The following EPHA6 variants were observed in gnomAD, a reference collection of about 807,000 sequenced individuals.
EPHA6 encodes the protein EPH receptor A6, also known as ephrin type-A receptor 6.
In EPHA6, 50 loss-of-function variants were observed where a neutral mutation model predicts 112.0. The observed-to-expected ratio is 0.45, with a 90% CI of 0.36 to 0.56. The LOEUF (loss-of-function observed/expected upper bound fraction) is 0.56. EPHA6 is among the 20% of genes least tolerant of loss of function. The pLI is 0.00. For missense variants in EPHA6, 1,280 were observed against 1,417.4 expected, an observed-to-expected ratio of 0.90 and a Z score of 1.56; for synonymous variants, 529 against 490.7, an observed-to-expected ratio of 1.08 and a Z score of -1.03.
intron 14 of EPHA6, among the ~76,000 whole-genome samples, chr3:97,672,013 G>A (rs1319911993): frequency 6.6e-6 from 1 of 152,122 alleles, no homozygotes; most frequent in East Asian, 1.9e-4. Context: ...TTCCTGGATT[G>A]CGCAGTCCAT....
chr3:96,932,281 A>T (rs1178076084), intron 2 of EPHA6, among the ~76,000 whole-genome samples: 1 of 152,200 alleles, frequency 6.6e-6, no homozygotes, highest in Non-Finnish European at 1.5e-5. Context: ...TGTGGACTGC[A>T]GCTGCTTTTA....
At chr3:96,998,798 A>G (rs1409805433) in intron 3 of EPHA6, among the ~76,000 whole-genome samples, 2 of 151,818 alleles carry the variant, frequency 1.3e-5, no homozygotes, top group African/African-American at 2.4e-5. Context: ...TTTATTCTGT[A>G]TTTCTAGAAT....
chr3:97,655,462 A>C (rs1034745921), intron 14 of EPHA6, among the ~76,000 whole-genome samples: 1 of 151,832 alleles, frequency 6.6e-6, no homozygotes, highest in African/African-American at 2.4e-5. Flanking sequence ...AGATCTCATC[A>C]TTTTTTATGG....
intron 3 of EPHA6, among the ~76,000 whole-genome samples, chr3:97,078,759 A>AG (rs1279157349): frequency 6.6e-6 from 1 of 151,852 alleles, no homozygotes; most frequent in Non-Finnish European, 1.5e-5. Context: ...TCTATATCTC[A>AG]AACAGATGCA....
chr3:96,950,194 C>T (rs2041465920), intron 2 of EPHA6, among the ~76,000 whole-genome samples: 1 of 152,010 alleles, frequency 6.6e-6, no homozygotes, highest in Non-Finnish European at 1.5e-5. Flanking sequence ...GTTCCAACCA[C>T]AATGCCCGTC....
chr3:97,212,239 G>A (rs1214166535), intron 3 of EPHA6, among the ~76,000 whole-genome samples: 3 of 152,060 alleles, frequency 2.0e-5, no homozygotes, highest in Non-Finnish European at 2.9e-5. Context: ...TAGATTCACT[G>A]AGCACATTTT....
intron 5 of EPHA6, among the ~76,000 whole-genome samples, chr3:97,277,595 C>T (rs933739464): frequency 6.6e-6 from 1 of 152,124 alleles, no homozygotes; most frequent in African/African-American, 2.4e-5. Context: ...ACCTATTGCT[C>T]CTAGGCTACA....
At chr3:97,521,484 G>A (rs2092541806) in intron 10 of EPHA6, among the ~76,000 whole-genome samples, 1 of 152,100 alleles carries the variant, frequency 6.6e-6, no homozygotes, top group African/African-American at 2.4e-5. Flanking sequence ...TCTTCTCAAG[G>A]CAGCAGGACA....
At chr3:96,948,733 G>T (rs1450540543) in intron 2 of EPHA6, among the ~76,000 whole-genome samples, 1 of 152,078 alleles carries the variant, frequency 6.6e-6, no homozygotes, top group African/African-American at 2.4e-5. Flanking sequence ...ATGAAAATCT[G>T]GTCGCAGTTC....
At chr3:97,394,056 A>G (rs2086566642) in intron 5 of EPHA6, among the ~76,000 whole-genome samples, 1 of 151,766 alleles carries the variant, frequency 6.6e-6, no homozygotes, top group Non-Finnish European at 1.5e-5. Context: ...TTTGTAACAT[A>G]TGAATTTCAT....
At position 97,384,952 on chromosome 3, in the gene EPHA6, T is replaced by C. The variant is rs1309012844; in HGVS notation, c.1607-20198T>C. On this transcript the variant is annotated intron_variant, in intron 5 of 17. Coordinates refer to ENST00000389672, the MANE Select transcript of EPHA6 (RefSeq NM_001080448.3). ...AAAACTAGCTCTCCCAGGGTAAAAA[T>C]AATTTTTTAAAGGCCTGATTTGCAG... is the stretch of plus-strand genomic sequence containing the variant. Among the ~76,000 whole-genome samples the C allele has an allele frequency of 4.6e-5, 7 of 152,212 alleles. No individual in the cohort carries two copies. In the East Asian group the frequency reaches 1.4e-3, roughly 29 times the overall value.
At chr3:97,202,713 A>C (rs1052252850) in intron 3 of EPHA6, among the ~76,000 whole-genome samples, 1 of 152,162 alleles carries the variant, frequency 6.6e-6, no homozygotes, top group Non-Finnish European at 1.5e-5. Context: ...TGTGTTGACT[A>C]TAGGAGTCAT....
At chr3:97,555,275 C>G (rs1391321308) in intron 11 of EPHA6, among the ~76,000 whole-genome samples, 2 of 152,128 alleles carry the variant, frequency 1.3e-5, no homozygotes, top group Non-Finnish European at 2.9e-5. Context: ...ATTTTTATGG[C>G]TGCATAGTAT....
chr3:97,748,123 G>C (rs535757603), intron 17 of EPHA6, among the ~76,000 whole-genome samples: 52 of 152,046 alleles, frequency 3.4e-4, no homozygotes, highest in African/African-American at 1.2e-3. Context: ...TACAACCTAA[G>C]GGCATTTTTT....
chr3:97,100,288 C>T (rs949404939), intron 3 of EPHA6, among the ~76,000 whole-genome samples: 1 of 150,486 alleles, frequency 6.6e-6, no homozygotes, highest in East Asian at 1.9e-4. Context: ...GCTTAACATT[C>T]TCTAAGCAGT....
chr3:97,508,343 A>G (rs1448524335), intron 10 of EPHA6, among the ~76,000 whole-genome samples: 1 of 152,108 alleles, frequency 6.6e-6, no homozygotes, highest in East Asian at 1.9e-4. Flanking sequence ...GCTGTGTACT[A>G]GAGATTCTGG....
intron 11 of EPHA6, among the ~76,000 whole-genome samples, chr3:97,581,863 T>A (rs1362905078): frequency 1.3e-5 from 2 of 152,232 alleles, no homozygotes; most frequent in Admixed American, 1.3e-4. Flanking sequence ...AGAGGTGGCA[T>A]TTGAGCAGCG....
chr3:97,080,310 A>T (rs1009301931), intron 3 of EPHA6, among the ~76,000 whole-genome samples: 2 of 152,048 alleles, frequency 1.3e-5, no homozygotes, highest in African/African-American at 4.8e-5. Context: ...TGGGGGAGGG[A>T]GTTAATGGCA....
At chr3:97,622,767 T>C (rs1029381944) in intron 13 of EPHA6, among the ~76,000 whole-genome samples, 1 of 151,850 alleles carries the variant, frequency 6.6e-6, no homozygotes, top group African/African-American at 2.4e-5. Flanking sequence ...TCTGATGTTT[T>C]TGTTTGTTTT....
Sources: gnomAD v4.1 joint callset for allele counts (sites outside exome capture counted in the v4.1 genomes callset) on GRCh38, gnomAD v4.1.1 for gene constraint, MANE v1.5 for transcripts, NCBI Gene and HGNC (gene_info 2026-07-23, HGNC 2026-07-21) for gene names.